The following CDC45 variants were observed in gnomAD, a reference collection of about 807,000 sequenced individuals.
The protein encoded by CDC45 is cell division control protein 45 homolog.
A neutral mutation model predicts 77.8 loss-of-function variants in CDC45; 54 were observed. That is an observed-to-expected ratio of 0.69 (90% confidence interval 0.56 to 0.87). The LOEUF is 0.87. Among genes scored for constraint, CDC45 ranks in the 40% least tolerant of loss-of-function variants. The pLI is 0.00. For missense variants in CDC45, 649 were observed against 721.6 expected (o/e 0.90, Z 1.15); for synonymous variants, 260 against 272.1 (o/e 0.96, Z 0.44).
chr22:19,504,377 G>A (rs751907385), intron 9 of CDC45, among the ~76,000 whole-genome samples: 6 of 152,126 alleles, frequency 3.9e-5, no homozygotes, highest in Non-Finnish European at 7.4e-5. Context: ...TCGGCTCATC[G>A]CAACCTCCGC....
intron 6 of CDC45, among the ~76,000 whole-genome samples, chr22:19,495,165 TC>T (rs1471553549): frequency 6.6e-6 from 1 of 152,256 alleles, no homozygotes; most frequent in African/African-American, 2.4e-5. Flanking sequence ...GGTTTGGGTT[TC>T]TATTCCTGGG....
At chr22:19,518,367 GTCT>G (rs1933917134) in intron 17 of CDC45, among the ~76,000 whole-genome samples, 1 of 152,220 alleles carries the variant, frequency 6.6e-6, no homozygotes, top group African/African-American at 2.4e-5. Flanking sequence ...TGTGGTGAGG[GTCT>G]GGGTGCTCAG....
At chr22:19,491,873 C>T (rs2090158818) in intron 5 of CDC45, among the ~76,000 whole-genome samples, 1 of 151,762 alleles carries the variant, frequency 6.6e-6, no homozygotes, top group Admixed American at 6.6e-5. Flanking sequence ...GTCTCCCAGG[C>T]TGGAGGACCT....
chr22:19,482,576 C>A, intron 3 of CDC45, 114 bp from the exon 4 acceptor site: 1 of 1,173,464 alleles, frequency 8.5e-7, no homozygotes, highest in Non-Finnish European at 1.2e-6. Flanking sequence ...CCACGTGGGC[C>A]TCGCCACATG....
intron 7 of CDC45, 87 bp from the exon 8 acceptor site, chr22:19,497,299 C>T: frequency 7.9e-7 from 1 of 1,272,256 alleles, no homozygotes; most frequent in Admixed American, 1.7e-5. Flanking sequence ...TGCCAGGGCC[C>T]TTCTGGCTCA....
intron 10 of CDC45, among the ~76,000 whole-genome samples, chr22:19,507,025 G>A (rs180973860): frequency 1.3e-5 from 2 of 152,336 alleles, no homozygotes; most frequent in African/African-American, 2.4e-5. Context: ...GTTGTAGGGA[G>A]GGCTGGGCTA....
Position 19,480,145 on chromosome 22 carries a change from T to G in CDC45, c.52-13T>G. The G allele has an allele frequency of 6.2e-7, 1 of 1,614,010 alleles. No individual in the cohort carries two copies. The highest frequency in any genetic ancestry group is 8.5e-7 in the Non-Finnish European group (1 of 1,179,894). ...GGGTCGCCGTGTTCAGCCGGTCTGC[T>G]CTTCCCCGATAGAGGGTCCTTCTCT... is the stretch of plus-strand genomic sequence containing the variant. On this transcript the variant is annotated splice_polypyrimidine_tract_variant and intron_variant, in intron 1 of 18. Coordinates refer to ENST00000263201, the MANE Select transcript of CDC45 (RefSeq NM_003504.5).
chr22:19,515,729 C>A (rs1335835669), intron 15 of CDC45, among the ~76,000 whole-genome samples: 1 of 152,212 alleles, frequency 6.6e-6, no homozygotes, highest in East Asian at 1.9e-4. Flanking sequence ...GCCTTGACGT[C>A]CTCTAGGCTG....
chr22:19,514,940 C>T, intron 14 of CDC45, 25 bp from the exon 15 acceptor site: 1 of 1,614,248 alleles, frequency 6.2e-7, no homozygotes, highest in Non-Finnish European at 8.5e-7. Flanking sequence ...GTGGCTTCGT[C>T]TGACCATCTG....
At chr22:19,509,093 C>T (rs1467116651) in intron 13 of CDC45, among the ~76,000 whole-genome samples, 6 of 151,868 alleles carry the variant, frequency 4.0e-5, no homozygotes, top group Non-Finnish European at 8.8e-5. Context: ...CATGTCTTTT[C>T]GCTTGTTTTG....
chr22:19,504,130 G>A (rs1933018988), intron 9 of CDC45, among the ~76,000 whole-genome samples: 1 of 152,208 alleles, frequency 6.6e-6, no homozygotes, highest in Admixed American at 6.5e-5. Context: ...TGTGTTATAG[G>A]ACCAGCAGGT....
intron 5 of CDC45, among the ~76,000 whole-genome samples, chr22:19,485,778 T>C (rs183163547): frequency 6.6e-6 from 1 of 152,326 alleles, no homozygotes; most frequent in East Asian, 1.9e-4. Context: ...TGAATATCCA[T>C]GTACCTTCAA....
chr22:19,488,516 G>A (rs773567899), intron 5 of CDC45, among the ~76,000 whole-genome samples: 1 of 152,144 alleles, frequency 6.6e-6, no homozygotes, highest in Non-Finnish European at 1.5e-5. Context: ...CCAGTCACCC[G>A]GGCAGCCACT....
In CDC45 at chr22:19,482,741, A is replaced by G; in HGVS notation, c.256A>G (p.Ile86Val). ...TGGAGCTAATGTAGACCTATTGGAT[A>G]TTCTTCAACCTGATGAAGACACTAT... ...NCGANVDLLD[I>V]LQPDEDTIFF... The change falls in exon 4 of 19, where the codon ATT (isoleucine) becomes GTT (valine). Residue 86 changes from isoleucine (I) to valine (V), a missense_variant. By Grantham distance (29) the Ile-to-Val change is conservative (BLOSUM62 3). Transcript: ENST00000263201. 1 of 1,611,530 alleles carries G rather than the reference A, an allele frequency of 6.2e-7. No homozygotes were observed. The highest frequency in any genetic ancestry group is 1.1e-5 in the South Asian group (1 of 91,024).
intron 5 of CDC45, among the ~76,000 whole-genome samples, chr22:19,491,879 G>T (rs1436959676): frequency 6.6e-6 from 1 of 151,704 alleles, no homozygotes; most frequent in African/African-American, 2.4e-5. Flanking sequence ...CAGGCTGGAG[G>T]ACCTGCAACC....
At chr22:19,484,694 T>C (rs2090038335) in intron 5 of CDC45, among the ~76,000 whole-genome samples, 1 of 152,230 alleles carries the variant, frequency 6.6e-6, no homozygotes, top group Admixed American at 6.5e-5. Flanking sequence ...CAGCCTGACA[T>C]TTCCCGGTAA....
intron 5 of CDC45, among the ~76,000 whole-genome samples, chr22:19,490,030 C>T (rs747652497): frequency 1.3e-5 from 2 of 152,210 alleles, no homozygotes; most frequent in Non-Finnish European, 2.9e-5. Flanking sequence ...TAGTGTCCCA[C>T]TCTGTCTCTG....
Position 19,483,874 on chromosome 22 carries a change from A to G in CDC45, c.355A>G (p.Ile119Val), listed in dbSNP as rs758575467. ...GTTTTGAACTTAGATCAAATTACTC[A>G]TTAAACAAGATGATGACCTTGAAGT... Reference protein sequence around the residue: ...VYNDTQIKLLIKQDDDLEVPA... With the variant: ...VYNDTQIKLLVKQDDDLEVPA... The change falls in exon 5 of 19, where the codon ATT becomes GTT. Residue 119 changes from isoleucine to valine, a missense_variant. Transcript: ENST00000263201. The G allele has an allele frequency of 3.0e-5, 49 of 1,612,164 alleles. No individual in the cohort carries two copies. The highest frequency in any genetic ancestry group is 4.1e-5 in the Non-Finnish European group (48 of 1,179,522).
chr22:19,508,905 CT>C (rs943316760), intron 13 of CDC45, among the ~76,000 whole-genome samples: 2 of 151,924 alleles, frequency 1.3e-5, no homozygotes, highest in African/African-American at 4.8e-5. Context: ...TCTTTTTTGG[CT>C]TTTTTTTCTT....
Sources: allele counts gnomAD v4.1 joint callset (sites outside exome capture counted in the v4.1 genomes callset), GRCh38; gene constraint gnomAD v4.1.1; transcripts MANE v1.5; gene names NCBI Gene and HGNC (gene_info 2026-07-23, HGNC 2026-07-21).